ANKFN1: variants seen among roughly 807,000 people sequenced by gnomAD.
ANKFN1 encodes ankyrin repeat and fibronectin type III domain containing 1, also known as ankyrin repeat and fibronectin type-III domain-containing protein 1.
A neutral mutation model predicts 108.7 loss-of-function variants in ANKFN1; 74 were observed. The observed-to-expected ratio is 0.68, with a 90% CI of 0.56 to 0.83. ANKFN1 has a LOEUF of 0.83. ANKFN1 is among the 40% of genes least tolerant of loss of function. The probability of loss-of-function intolerance (pLI) is 0.00; values close to 1 mark genes in which losing one functional copy is unlikely to be tolerated. For synonymous variants in ANKFN1, 547 were observed against 516.2 expected, an observed-to-expected ratio of 1.06 and a Z score of -0.81; for missense variants, 1,505 against 1,382.3, an observed-to-expected ratio of 1.09 and a Z score of -1.41.
At chr17:56,326,103 C>T in intron 3 of ANKFN1, 118 bp from the exon 4 acceptor site, 1 of 1,379,100 alleles carries the variant, frequency 7.3e-7, no homozygotes, top group Non-Finnish European at 9.7e-7. Flanking sequence ...CTGTTTACTT[C>T]TCCCTTTCTC....
At chr17:56,242,048 A>G in intron 3 of ANKFN1, among the ~76,000 whole-genome samples, 1 of 152,068 alleles carries the variant, frequency 6.6e-6, no homozygotes. Flanking sequence ...TTTTCACTTA[A>G]TACTCTTGGT....
intron 1 of ANKFN1, among the ~76,000 whole-genome samples, chr17:56,186,992 A>G (rs111710177): frequency 0.026 from 3,983 of 152,204 alleles, 159 homozygotes; most frequent in African/African-American, 0.091. Flanking sequence ...CTAGAAGAAA[A>G]CCTAGGCAGT....
chr17:56,358,908 C>T (rs1287978860), intron 6 of ANKFN1, among the ~76,000 whole-genome samples: 3 of 152,100 alleles, frequency 2.0e-5, no homozygotes, highest in Non-Finnish European at 4.4e-5. Flanking sequence ...CTGACTAACT[C>T]GTATTCTGCC....
intron 8 of ANKFN1, among the ~76,000 whole-genome samples, chr17:56,398,848 G>T (rs1402584607): frequency 6.6e-6 from 1 of 152,046 alleles, no homozygotes; most frequent in African/African-American, 2.4e-5. Flanking sequence ...AAACAAATGA[G>T]ATAATATGTT....
At chr17:56,350,745 A>T (rs1598441686) in intron 4 of ANKFN1, 21 bp from the exon 5 acceptor site, 1 of 1,606,124 alleles carries the variant, frequency 6.2e-7, no homozygotes, top group Non-Finnish European at 8.5e-7. Context: ...AAGATATAAC[A>T]TCGGACTTTC....
Position 56,498,992 on chromosome 17 carries a change from A to G in ANKFN1, c.2538A>G (p.Ser846=). 6.5e-7 allele frequency: 1 copy of G among 1,535,822 alleles called. No individual in the cohort carries two copies. Among genetic ancestry groups the G allele is most frequent in the Non-Finnish European group, 8.7e-7 (1 of 1,146,668 alleles). Reference sequence around the variant, plus strand: ...CCATCACTAAGCTGATAGACCCCTCAGATGAGCAGAGCCTAAAGAAGATCA... The same window carrying G: ...CCATCACTAAGCTGATAGACCCCTCGGATGAGCAGAGCCTAAAGAAGATCA... ...GLPITKLIDP[S]DEQSLKKINS... The change falls in exon 20 of 21, where the codon TCA becomes TCG. Residue 846 remains serine, a synonymous_variant. Transcript: ENST00000682825.
At chr17:56,087,456 C>T (rs943393596) in intron 4 of ANKFN1, among the ~76,000 whole-genome samples, 13 of 151,362 alleles carry the variant, frequency 8.6e-5, no homozygotes, top group African/African-American at 3.2e-4. Flanking sequence ...TCAGCACTCT[C>T]TAAAATCCCC....
At chr17:56,069,935 G>C (rs1905100545) in intron 4 of ANKFN1, among the ~76,000 whole-genome samples, 1 of 152,142 alleles carries the variant, frequency 6.6e-6, no homozygotes, top group South Asian at 2.1e-4. Flanking sequence ...GACCATATAG[G>C]GTAACTTCCT....
At chr17:56,052,843 G>C (rs1904801833) in intron 4 of ANKFN1, among the ~76,000 whole-genome samples, 1 of 152,292 alleles carries the variant, frequency 6.6e-6, no homozygotes. Context: ...ATGCCAGCCA[G>C]CAGATAAGAA....
chr17:56,393,002 A>G (rs2144885846), intron 8 of ANKFN1, among the ~76,000 whole-genome samples: 1 of 152,092 alleles, frequency 6.6e-6, no homozygotes, highest in South Asian at 2.1e-4. Context: ...GAAAATTGCT[A>G]TCACCTTCCT....
intron 18 of ANKFN1, among the ~76,000 whole-genome samples, chr17:56,490,096 A>G (rs1275293333): frequency 6.6e-6 from 1 of 152,224 alleles, no homozygotes; most frequent in Non-Finnish European, 1.5e-5. Context: ...AGAAGCTACA[A>G]TGTTCCATGT....
intron 4 of ANKFN1, among the ~76,000 whole-genome samples, chr17:56,123,772 T>C (rs1205595835): frequency 1.3e-5 from 2 of 151,754 alleles, no homozygotes; most frequent in African/African-American, 4.8e-5. Context: ...ACATTATGTG[T>C]GTGAGCCTGT....
upstream of ANKFN1, among the ~76,000 whole-genome samples, chr17:56,151,326 C>T (rs1191629163): frequency 6.6e-6 from 1 of 152,172 alleles, no homozygotes; most frequent in Non-Finnish European, 1.5e-5. Context: ...TCATCATCCC[C>T]TGAAGAAAAT....
At chr17:56,436,107 A>C (rs550329678) in intron 8 of ANKFN1, among the ~76,000 whole-genome samples, 7 of 152,130 alleles carry the variant, frequency 4.6e-5, no homozygotes, top group Non-Finnish European at 7.3e-5. Context: ...CCATCAGATA[A>C]TGGCAGTGTT....
chr17:56,411,169 A>C (rs2048079272), intron 8 of ANKFN1, among the ~76,000 whole-genome samples: 1 of 152,104 alleles, frequency 6.6e-6, no homozygotes, highest in South Asian at 2.1e-4. Flanking sequence ...TGTCTTCTTC[A>C]ATTTTTCTCA....
intron 1 of ANKFN1, among the ~76,000 whole-genome samples, chr17:56,177,356 CAGCATGGGAATG>C (rs1378633400): frequency 1.3e-5 from 2 of 152,318 alleles, no homozygotes; most frequent in East Asian, 3.9e-4. Context: ...TTTGGTTTCC[CAGCATGGGAATG>C]AATGCCCATT....
chr17:56,179,278 A>G (rs1306892559), intron 1 of ANKFN1, among the ~76,000 whole-genome samples: 1 of 152,166 alleles, frequency 6.6e-6, no homozygotes, highest in African/African-American at 2.4e-5. Flanking sequence ...CCCTGTTAAC[A>G]CTTTCTAAGC....
chr17:56,314,824 C>T (rs2045151772), intron 3 of ANKFN1, among the ~76,000 whole-genome samples: 5 of 152,088 alleles, frequency 3.3e-5, no homozygotes, highest in Non-Finnish European at 5.9e-5. Context: ...TAGATAAGGG[C>T]ACAGTCAAAA....
At chr17:56,323,337 C>A (rs183638499) in intron 3 of ANKFN1, 2 of 152,682 alleles carry the variant, frequency 1.3e-5, no homozygotes, top group Non-Finnish European at 2.9e-5. Context: ...TCTCTCAGAA[C>A]CAGAGAAATC....
Sources: allele counts gnomAD v4.1 joint callset (sites outside exome capture counted in the v4.1 genomes callset), GRCh38; gene constraint gnomAD v4.1.1; transcripts MANE v1.5; gene names NCBI Gene and HGNC (gene_info 2026-07-23, HGNC 2026-07-21).